The following CPAMD8 variants were observed in gnomAD, a reference collection of about 807,000 sequenced individuals.
The protein encoded by CPAMD8 is C3 and PZP like alpha-2-macroglobulin domain containing 8.
In CPAMD8, 146 loss-of-function variants were observed where a neutral mutation model predicts 224.7. The observed-to-expected ratio is 0.65, with a 90% confidence interval of 0.57 to 0.75. The LOEUF (loss-of-function observed/expected upper bound fraction) is 0.75, where lower values mean the gene tolerates loss of function less well. CPAMD8 is among the 30% of genes least tolerant of loss of function. CPAMD8 has a pLI of 0.00. For missense variants in CPAMD8, 2,301 were observed against 2,537.5 expected, an observed-to-expected ratio of 0.91 and a Z score of 2.00; for synonymous variants, 966 against 1,044.6, an observed-to-expected ratio of 0.92 and a Z score of 1.45.
intron 23 of CPAMD8, among the ~76,000 whole-genome samples, chr19:16,937,699 C>A (rs113368810): frequency 2.3e-4 from 34 of 145,770 alleles, no homozygotes; most frequent in African/African-American, 8.2e-4. Flanking sequence ...GTCACCCAGG[C>A]TGGAGTGCAA....
intron 10 of CPAMD8, among the ~76,000 whole-genome samples, chr19:16,999,585 CAA>C (rs1200333256): frequency 1.2e-4 from 15 of 126,920 alleles, no homozygotes; most frequent in Admixed American, 3.4e-4. Flanking sequence ...ACTCCATCTC[CAA>C]AAAAAAAAAA....
chr19:16,904,176 A>AGCCCCCCCCCCCCCCCCCCCCAC, intron 32 of CPAMD8, 50 bp downstream of exon 32: 1 of 937,340 alleles, frequency 1.1e-6, no homozygotes, highest in Non-Finnish European at 1.7e-6. Context: ...GACTGCAGGG[A>AGCCCCCCCCCCCCCCCCCCCCAC]CCCCACCCAC....
rs1321147699 is a variant in CPAMD8, at chr19:17,000,237, T to C, written c.867+177A>G. On this transcript the variant is annotated intron_variant, in intron 10 of 41. Coordinates refer to ENST00000443236, the MANE Select transcript of CPAMD8 (RefSeq NM_015692.5). ...TGGGGGCAAAGGCGAGAGGATCGCT[T>C]GAGCCCAGGAGTTCAAGACAAGCCT... The C allele has an allele frequency of 5.6e-5, 28 of 495,576 alleles. No homozygotes were observed. The East Asian group carries it at 7.8e-4, about 14-fold the overall frequency. The allele number at this position is 495,576 out of a possible 1,614,324, so 30.7% of individuals were successfully genotyped here. A position where few individuals can be genotyped will look rare whatever the true frequency, so the allele number is the denominator to read the frequency against.
At chr19:16,939,384 T>C (rs1307382410) in intron 22 of CPAMD8, among the ~76,000 whole-genome samples, 2 of 151,966 alleles carry the variant, frequency 1.3e-5, no homozygotes, top group African/African-American at 4.8e-5. Context: ...ATTTTTTATA[T>C]TTTTAGTGGA....
At chr19:16,958,903 G>A (rs566044982) in intron 18 of CPAMD8, among the ~76,000 whole-genome samples, 5 of 150,380 alleles carry the variant, frequency 3.3e-5, no homozygotes, top group Non-Finnish European at 7.4e-5. Flanking sequence ...AGGTTCAAAC[G>A]ATTCTCCAGC....
intron 11 of CPAMD8, among the ~76,000 whole-genome samples, chr19:16,994,168 A>T (rs150231279): frequency 1.3e-5 from 2 of 152,210 alleles, no homozygotes; most frequent in Non-Finnish European, 1.5e-5. Flanking sequence ...AAATAAACTC[A>T]AATGGATCAC....
intron 39 of CPAMD8, 112 bp from the exon 40 acceptor site, chr19:16,896,777 G>A: frequency 1.4e-6 from 1 of 718,986 alleles, no homozygotes; most frequent in South Asian, 3.1e-5. Context: ...TACCCCCTCG[G>A]TGGGTCTTGG....
At chr19:16,908,944 C>T (rs943070733) in intron 29 of CPAMD8, among the ~76,000 whole-genome samples, 2 of 152,148 alleles carry the variant, frequency 1.3e-5, no homozygotes, top group Non-Finnish European at 2.9e-5. Flanking sequence ...CTCAAGGACG[C>T]TGCGGAGACC....
At position 16,989,779 on chromosome 19, in the gene CPAMD8, G is replaced by A; in HGVS notation, c.1267-8C>T. The A allele has an allele frequency of 6.2e-7, 1 of 1,613,632 alleles. No homozygotes were observed. The highest frequency in any genetic ancestry group is 1.1e-5 in the South Asian group (1 of 91,044). ...CAGTGCCATCACCTTGGTCTGAGAA[G>A]AGAAGATGCTTAGATCAACACCCGA... On this transcript the variant is annotated splice_region_variant and splice_polypyrimidine_tract_variant and intron_variant, in intron 12 of 41. Coordinates refer to ENST00000443236, the MANE Select transcript of CPAMD8 (RefSeq NM_015692.5).
At chr19:17,013,526 A>ATAAAATAAAATAAAATAAAATAAAG (rs2056722766) in intron 3 of CPAMD8, 1 of 150,066 alleles carries the variant, frequency 6.7e-6, no homozygotes, top group East Asian at 1.9e-4. Flanking sequence ...ATAAAATAAA[A>ATAAAATAAAATAAAATAAAATAAAG]TAAAATAAAA....
chr19:16,973,946 C>G (rs926996742), intron 17 of CPAMD8, among the ~76,000 whole-genome samples: 19 of 149,978 alleles, frequency 1.3e-4, no homozygotes, highest in African/African-American at 3.9e-4. Context: ...TCTCCTGACT[C>G]AGCCTCCCAA....
intron 22 of CPAMD8, among the ~76,000 whole-genome samples, chr19:16,943,785 C>T: frequency 6.6e-6 from 1 of 152,184 alleles, no homozygotes; most frequent in East Asian, 1.9e-4. Context: ...CCATGAGAGG[C>T]TTTCCACCAA....
Position 16,899,375 on chromosome 19 carries a change from T to C in CPAMD8, c.4848+100A>G. The C allele has an allele frequency of 1.4e-6, 1 of 717,484 alleles. No homozygotes were observed. Among genetic ancestry groups the C allele is most frequent in the South Asian group, 1.5e-5 (1 of 68,534 alleles). 44.4% of individuals were successfully genotyped at this position (717,484 alleles called of 1,614,324 possible). On this transcript the variant is annotated intron_variant, in intron 37 of 41. Coordinates refer to ENST00000443236, the MANE Select transcript of CPAMD8 (RefSeq NM_015692.5). This position sits in a 1 kb window ranked among gnomAD's most constrained non-coding sequence, Gnocchi z 5.4. ...CCCGGCCCCAGTGTCTTTTTTATGG[T>C]ACAAGATACTTGCAGGGAGCCACAC...
rs150621496 is a variant in CPAMD8, at chr19:16,916,244, G to T, written c.3630-1431C>A. ...GCCCAGGCAGGTCTCGAACTCCTGG[G>T]CTCCAGTGATCCTCCCACAATGGCC... is the stretch of plus-strand genomic sequence containing the variant. On this transcript the variant is annotated intron_variant, in intron 27 of 41. Coordinates refer to ENST00000443236, the MANE Select transcript of CPAMD8 (RefSeq NM_015692.5). Among the ~76,000 whole-genome samples the T allele has an allele frequency of 4.5e-3, 690 of 152,094 alleles. 4 individuals carry two copies. The highest frequency in any genetic ancestry group is 0.014 in the Middle Eastern group (4 of 294).
intron 18 of CPAMD8, among the ~76,000 whole-genome samples, chr19:16,960,979 T>A (rs1257956061): frequency 6.6e-6 from 1 of 151,070 alleles, no homozygotes; most frequent in African/African-American, 2.4e-5. Flanking sequence ...TCATTATATA[T>A]CCTCTTCTAC....
rs761770674 is a variant in CPAMD8, at chr19:16,907,114, C to T, written c.3865G>A (p.Glu1289Lys). The T allele has an allele frequency of 4.5e-6, 7 of 1,553,132 alleles. No homozygotes were observed. The African/African-American group carries it at 8.2e-5, about 18-fold the overall frequency. ...LLETGTASEE[E>K]RGSTDKARHF... ...CTCGCTTTGTCAGTGGAGCCTCTCT[C>T]CTCCTGCAGGGTGGGGTGGGAAGGT... The change falls in exon 30 of 42, where the codon GAG becomes AAG. Residue 1289 changes from glutamate to lysine, a missense_variant. Glu to Lys is a moderately conservative substitution (Grantham distance 56). This residue lies in a region of CPAMD8 where 1,709 missense variants were observed against 1,753.2 expected (regional missense o/e 0.97). Transcript: ENST00000443236.
chr19:16,954,116 T>C (rs183626632), intron 19 of CPAMD8, among the ~76,000 whole-genome samples: 6 of 152,258 alleles, frequency 3.9e-5, no homozygotes, highest in Non-Finnish European at 8.8e-5. Context: ...GAGACCCTGC[T>C]TCCCATTCTT....
At chr19:16,984,579 AT>A (rs2055644813) in intron 13 of CPAMD8, among the ~76,000 whole-genome samples, 1 of 152,208 alleles carries the variant, frequency 6.6e-6, no homozygotes, top group Non-Finnish European at 1.5e-5. Context: ...TGTTGCACTA[AT>A]GGACACTGTC....
intron 19 of CPAMD8, among the ~76,000 whole-genome samples, chr19:16,955,287 C>A (rs1230905741): frequency 7.0e-6 from 1 of 142,108 alleles, no homozygotes; most frequent in Non-Finnish European, 1.5e-5. Flanking sequence ...GAGCAAGACT[C>A]CATCTCAAGA....
Sources: gnomAD v4.1 joint callset for allele counts (sites outside exome capture counted in the v4.1 genomes callset) on GRCh38, gnomAD v4.1.1 for gene constraint, gnomAD v4.1.1 regional missense constraint, Gnocchi (gnomAD v3.1) non-coding constraint, MANE v1.5 for transcripts, NCBI Gene and HGNC (gene_info 2026-07-23, HGNC 2026-07-21) for gene names.